The following PPP3CC variants were observed in gnomAD, a reference collection of about 807,000 sequenced individuals.
PPP3CC encodes the protein serine/threonine-protein phosphatase 2B catalytic subunit gamma isoform.
In PPP3CC, 35 loss-of-function variants were observed where a neutral mutation model predicts 60.3. The ratio of observed to expected loss-of-function variants is 0.58; its 90% CI spans 0.44 to 0.77. The LOEUF (loss-of-function observed/expected upper bound fraction) is 0.77, where lower values mean the gene tolerates loss of function less well. PPP3CC is among the 30% of genes least tolerant of loss of function. PPP3CC has a pLI of 0.00. For synonymous variants in PPP3CC, 206 were observed against 224.3 expected (o/e 0.92, Z 0.73); for missense variants, 570 against 628.9 (o/e 0.91, Z 1.00).
At chr8:22,450,786 C>T (rs1836990123) in intron 1 of PPP3CC, among the ~76,000 whole-genome samples, 1 of 151,388 alleles carries the variant, frequency 6.6e-6, no homozygotes, top group Admixed American at 6.6e-5. Context: ...CCCTCATCCC[C>T]AACCTACTTT....
intron 1 of PPP3CC, among the ~76,000 whole-genome samples, chr8:22,462,027 G>C (rs1223914550): frequency 1.3e-5 from 2 of 152,084 alleles, no homozygotes; most frequent in Non-Finnish European, 2.9e-5. Flanking sequence ...ATGAGGCCAG[G>C]AGTTTGAGAC....
Position 22,540,899 on chromosome 8 carries a change from A to T in PPP3CC, c.*97A>T. ...TGAAAAGCAACTCAAAACAACTTCAACGTGGAGGTGCATTTATAATTCAGT... is the reference window on the plus strand; with the variant it reads ...TGAAAAGCAACTCAAAACAACTTCATCGTGGAGGTGCATTTATAATTCAGT... On this transcript the variant is annotated 3_prime_UTR_variant, in exon 14 of 14. Coordinates refer to ENST00000240139, the MANE Select transcript of PPP3CC (RefSeq NM_005605.5). 8.7e-7 allele frequency: 1 copy of T among 1,147,582 alleles called. No homozygotes were observed. The highest frequency in any genetic ancestry group is 2.1e-5 in the South Asian group (1 of 48,328). The allele number at this position is 1,147,582 out of a possible 1,614,324, so 71.1% of individuals were successfully genotyped here. A position where few individuals can be genotyped will look rare whatever the true frequency, so the allele number is the denominator to read the frequency against.
At position 22,522,476 on chromosome 8, in the gene PPP3CC, A is replaced by G. The variant is rs778630551; in HGVS notation, c.771-15A>G. 3.8e-6 allele frequency: 6 copies of G among 1,581,326 alleles called. No individual in the cohort carries two copies. ...TTTTAATTCTGGATTTATGTTTTCT[A>G]ATTTTCTTTTCCAGTTACCCTGCAG... On this transcript the variant is annotated splice_polypyrimidine_tract_variant and intron_variant, in intron 6 of 13. Transcript: ENST00000240139.
chr8:22,444,905 C>A (rs1332493150), intron 1 of PPP3CC, among the ~76,000 whole-genome samples: 2 of 151,634 alleles, frequency 1.3e-5, no homozygotes, highest in African/African-American at 4.8e-5. Flanking sequence ...CATGTTTTTT[C>A]TTTGACAGTG....
chr8:22,524,678 T>C (rs1310940733), intron 8 of PPP3CC, among the ~76,000 whole-genome samples: 2 of 152,246 alleles, frequency 1.3e-5, no homozygotes. Context: ...TTTCTCACTT[T>C]CTTTTTTAAC....
At chr8:22,482,157 A>G (rs932913217) in intron 3 of PPP3CC, among the ~76,000 whole-genome samples, 1 of 152,200 alleles carries the variant, frequency 6.6e-6, no homozygotes, top group African/African-American at 2.4e-5. Context: ...CCAACAGTGT[A>G]AAAGCATTCC....
intron 13 of PPP3CC, among the ~76,000 whole-genome samples, 154 bp downstream of exon 13, chr8:22,539,652 T>TG (rs1280215292): frequency 6.6e-6 from 1 of 152,224 alleles, no homozygotes; most frequent in Non-Finnish European, 1.5e-5. Flanking sequence ...ACGAAGCAGG[T>TG]GTTTCCTTTG....
At chr8:22,445,367 G>T (rs774914672) in intron 1 of PPP3CC, among the ~76,000 whole-genome samples, 4 of 152,010 alleles carry the variant, frequency 2.6e-5, no homozygotes, top group South Asian at 2.1e-4. Context: ...TTTACCGAGG[G>T]TTTAAAATTT....
At chr8:22,447,070 C>T (rs766465503) in intron 1 of PPP3CC, among the ~76,000 whole-genome samples, 10 of 151,750 alleles carry the variant, frequency 6.6e-5, no homozygotes, top group African/African-American at 1.4e-4. Context: ...TACAGTGGCG[C>T]GATCATGGCT....
chr8:22,444,281 A>G (rs925015537), intron 1 of PPP3CC, among the ~76,000 whole-genome samples: 40 of 151,192 alleles, frequency 2.6e-4, no homozygotes, highest in African/African-American at 9.6e-4. Flanking sequence ...AAAAAAACTC[A>G]TCTGTAAAAT....
intron 1 of PPP3CC, among the ~76,000 whole-genome samples, chr8:22,445,878 A>C (rs974960869): frequency 6.6e-6 from 1 of 152,222 alleles, no homozygotes; most frequent in African/African-American, 2.4e-5. Flanking sequence ...AATCAGTGCT[A>C]ATCGAGATTC....
chr8:22,495,546 A>T (rs568288833), intron 3 of PPP3CC, among the ~76,000 whole-genome samples: 2 of 151,752 alleles, frequency 1.3e-5, no homozygotes, highest in Admixed American at 1.3e-4. Context: ...TACTATGCAA[A>T]TTATATTATT....
chr8:22,475,542 T>C lies in PPP3CC; in HGVS notation c.290T>C (p.Leu97Ser). The change falls in exon 3 of 14, where the codon TTA (leucine) becomes TCA (serine). Residue 97 changes from leucine (L) to serine (S), a missense_variant. Leu to Ser is a moderately radical substitution (Grantham distance 145). Coordinates refer to ENST00000240139, the MANE Select transcript of PPP3CC (RefSeq NM_005605.5). The part of the protein sequence containing the change: ...IHGQFFDLMK[L>S]FEVGGSPSNT... ...GGACAATTCTTTGACCTAATGAAGT[T>C]ATTTGAAGTTGGAGGATCACCTAGT... The C allele has an allele frequency of 6.2e-7, 1 of 1,611,300 alleles. No individual in the cohort carries two copies. The highest frequency in any genetic ancestry group is 8.5e-7 in the Non-Finnish European group (1 of 1,177,602).
intron 4 of PPP3CC, among the ~76,000 whole-genome samples, chr8:22,503,720 G>A (rs991601132): frequency 6.6e-6 from 1 of 151,972 alleles, no homozygotes; most frequent in African/African-American, 2.4e-5. Context: ...CTTACCTTAG[G>A]TTTTTATTTG....
At chr8:22,522,799 C>T (rs761161719) in intron 8 of PPP3CC, 50 bp downstream of exon 8, 8 of 1,332,206 alleles carry the variant, frequency 6.0e-6, no homozygotes, top group Non-Finnish European at 7.5e-6. Context: ...TAAACGTGAG[C>T]TCTGGTTTAA....
intron 3 of PPP3CC, among the ~76,000 whole-genome samples, chr8:22,496,483 A>ATTTTTTTTTTTTTT (rs1563741124): frequency 5.2e-5 from 4 of 77,046 alleles, no homozygotes; most frequent in East Asian, 4.9e-4. Flanking sequence ...GAGAACTGTA[A>ATTTTTTTTTTTTTT]TCTTTTTTTT....
intron 1 of PPP3CC, among the ~76,000 whole-genome samples, chr8:22,456,880 G>A (rs995296506): frequency 2.6e-5 from 4 of 152,106 alleles, no homozygotes; most frequent in African/African-American, 9.7e-5. Flanking sequence ...ATGAAATACA[G>A]GTAATCTGAA....
At position 22,441,403 on chromosome 8, in the gene PPP3CC, G is replaced by C. The variant is rs370114337; in HGVS notation, c.-7G>C. The stretch of plus-strand genomic sequence containing the variant: ...GCTCCTGGAGCCTGGAGGAGGCCGA[G>C]GGGACCATGTCCGGGAGGCGCTTCC... On this transcript the variant is annotated 5_prime_UTR_variant, in exon 1 of 14. Coordinates refer to ENST00000240139, the MANE Select transcript of PPP3CC (RefSeq NM_005605.5). The C allele has an allele frequency of 2.6e-6, 4 of 1,541,114 alleles. No individual in the cohort carries two copies. Among genetic ancestry groups the C allele is most frequent in the Non-Finnish European group, 3.5e-6 (4 of 1,144,194 alleles).
chr8:22,516,419 G>T (rs899825101), intron 6 of PPP3CC, among the ~76,000 whole-genome samples: 6 of 152,172 alleles, frequency 3.9e-5, no homozygotes, highest in African/African-American at 2.4e-5. Flanking sequence ...AAAGGTATTT[G>T]TACATGGCCT....
Sources: gnomAD v4.1 joint callset for allele counts (sites outside exome capture counted in the v4.1 genomes callset) on GRCh38, gnomAD v4.1.1 for gene constraint, MANE v1.5 for transcripts, NCBI Gene and HGNC (gene_info 2026-07-23, HGNC 2026-07-21) for gene names.